The following DNAJC11 variants were observed in gnomAD, a reference collection of about 807,000 sequenced individuals.
The protein encoded by DNAJC11 is dnaJ homolog subfamily C member 11.
In DNAJC11, 15 loss-of-function variants were observed where a neutral mutation model predicts 78.6. The observed-to-expected ratio is 0.19, with a 90% CI of 0.13 to 0.29. The LOEUF (loss-of-function observed/expected upper bound fraction) is 0.29, where lower values mean the gene tolerates loss of function less well. Ranked by LOEUF, DNAJC11 falls within the 10% of genes least tolerant of loss-of-function variation. The pLI, the probability that DNAJC11 is intolerant of heterozygous loss-of-function variation, is 1.00. For missense variants in DNAJC11, 547 were observed against 709.6 expected (o/e 0.77, Z 2.60); for synonymous variants, 292 against 272.1 (o/e 1.07, Z -0.72).
intron 1 of DNAJC11, among the ~76,000 whole-genome samples, chr1:6,700,711 G>T (rs115051969): frequency 5.3e-5 from 8 of 152,178 alleles, no homozygotes; most frequent in African/African-American, 9.7e-5. Context: ...AGATAAGTTT[G>T]TATTATTAAC....
intron 4 of DNAJC11, among the ~76,000 whole-genome samples, chr1:6,663,037 T>C (rs915157563): frequency 4.6e-5 from 7 of 152,098 alleles, no homozygotes; most frequent in Admixed American, 3.9e-4. Flanking sequence ...GGATTACAGG[T>C]GTGAGCCCCC....
chr1:6,642,661 G>A (rs997904939), intron 10 of DNAJC11, among the ~76,000 whole-genome samples: 1 of 152,174 alleles, frequency 6.6e-6, no homozygotes, highest in Admixed American at 6.5e-5. Flanking sequence ...GCAACCAAGT[G>A]AGACCCTGTC....
In DNAJC11 at chr1:6,665,551, T is replaced by C. The variant is rs564350744; in HGVS notation, c.378+2158A>G. On this transcript the variant is annotated intron_variant, in intron 4 of 15. Transcript: ENST00000377577. Reference sequence around the variant, plus strand: ...ATATTTCTGATTAGAAAATGTTTTATGTATTTGGAAGCAGTTTTATGGAAG... The same window carrying C: ...ATATTTCTGATTAGAAAATGTTTTACGTATTTGGAAGCAGTTTTATGGAAG... Among the ~76,000 whole-genome samples, 10 of 152,356 alleles carry C rather than the reference T, an allele frequency of 6.6e-5. 1 individual carries two copies. The South Asian group carries it at 1.9e-3, about 28-fold the overall frequency.
At chr1:6,637,142 G>A (rs539620399) in intron 14 of DNAJC11, 56 bp downstream of exon 14, 25 of 1,606,528 alleles carry the variant, frequency 1.6e-5, no homozygotes, top group African/African-American at 1.2e-4. Context: ...GAGTCACCGC[G>A]CCCAGCCTGT....
rs181750504 is a variant in DNAJC11 at position 6,657,887 on chromosome 1, T to C, written c.379-3848A>G. Among the ~76,000 whole-genome samples the C allele has an allele frequency of 2.7e-3, 404 of 152,338 alleles. 2 individuals carry two copies. The highest frequency in any genetic ancestry group is 8.8e-3 in the African/African-American group (367 of 41,582). ...GTCTCGATCTCCTGACCTCGTGATC[T>C]GCCCACCTTGGCCTCCCAAAGTGCT... On this transcript the variant is annotated intron_variant, in intron 4 of 15. Transcript: ENST00000377577.
At position 6,653,764 on chromosome 1, in the gene DNAJC11, C is replaced by G; in HGVS notation, c.507+147G>C. On this transcript the variant is annotated intron_variant, in intron 5 of 15. Coordinates refer to ENST00000377577, the MANE Select transcript of DNAJC11 (RefSeq NM_018198.4). This position sits in a 1 kb window ranked among gnomAD's most constrained non-coding sequence, Gnocchi z 4.5. ...CGGTAACACACGGCTGGGAATGAAG[C>G]GCTTTCTTTTTTAAGTGGCTAATTG... The G allele has an allele frequency of 9.2e-7, 1 of 1,092,004 alleles. No homozygotes were observed. The highest frequency in any genetic ancestry group is 1.3e-6 in the Non-Finnish European group (1 of 771,554). The allele number at this position is 1,092,004 out of a possible 1,614,324, so 67.6% of individuals were successfully genotyped here.
At chr1:6,666,489 C>G (rs1002027160) in intron 4 of DNAJC11, among the ~76,000 whole-genome samples, 1 of 150,496 alleles carries the variant, frequency 6.6e-6, no homozygotes, top group Non-Finnish European at 1.5e-5. Flanking sequence ...CTGGTTCAAG[C>G]TATTCTCCTG....
intron 10 of DNAJC11, among the ~76,000 whole-genome samples, chr1:6,644,203 C>T (rs1217853843): frequency 6.6e-6 from 1 of 151,750 alleles, no homozygotes; most frequent in Non-Finnish European, 1.5e-5. Context: ...ATCTCCATCT[C>T]AGCTCACTGC....
chr1:6,653,351 G>A lies in DNAJC11; in HGVS notation c.508-400C>T, dbSNP rs1428900032. On this transcript the variant is annotated intron_variant, in intron 5 of 15. Coordinates refer to ENST00000377577, the MANE Select transcript of DNAJC11 (RefSeq NM_018198.4). The surrounding 1 kb of genome is among the most constrained non-coding windows in gnomAD (Gnocchi z 4.5). Reference sequence around the variant, plus strand: ...AACTGACTCAGGGAGCTCCAAGAGGGGGCAAATTTCCCCAAGTTAGGACTC... The same window carrying A: ...AACTGACTCAGGGAGCTCCAAGAGGAGGCAAATTTCCCCAAGTTAGGACTC... Among the ~76,000 whole-genome samples the A allele has an allele frequency of 6.6e-6, 1 of 152,078 alleles. No individual in the cohort carries two copies. Among genetic ancestry groups the A allele is most frequent in the Non-Finnish European group, 1.5e-5 (1 of 68,036 alleles).
At chr1:6,673,936 A>C (rs780753739) in intron 3 of DNAJC11, among the ~76,000 whole-genome samples, 2 of 152,224 alleles carry the variant, frequency 1.3e-5, no homozygotes, top group Non-Finnish European at 1.5e-5. Context: ...TGCAGACAAA[A>C]ACCAAACTGC....
chr1:6,677,166 A>AC (rs1642477341), intron 3 of DNAJC11, among the ~76,000 whole-genome samples: 1 of 151,340 alleles, frequency 6.6e-6, no homozygotes, highest in Non-Finnish European at 1.5e-5. Flanking sequence ...CTCAAAAAAA[A>AC]AAAAAAAACA....
chr1:6,691,908 T>G (rs1642752034), intron 1 of DNAJC11, among the ~76,000 whole-genome samples: 1 of 152,258 alleles, frequency 6.6e-6, no homozygotes, highest in South Asian at 2.1e-4. Flanking sequence ...TTAAAAAATA[T>G]ATGCTATTTT....
At chr1:6,691,768 C>G (rs1270649358) in intron 1 of DNAJC11, among the ~76,000 whole-genome samples, 1 of 152,198 alleles carries the variant, frequency 6.6e-6, no homozygotes. Context: ...ATTTTCATCT[C>G]GAAGGAGGTT....
chr1:6,701,795 C>T lies in DNAJC11; in HGVS notation c.6G>A (p.Ala2=), dbSNP rs768904539. The T allele has an allele frequency of 6.4e-7, 1 of 1,560,080 alleles. No homozygotes were observed. The highest frequency in any genetic ancestry group is 2.6e-5 in the East Asian group (1 of 38,912). ...CCAGCTCCTCCTCGCTCAAGGCCGT[C>T]GCCATCTTCGCAACCTTTCACCCCG... M[A]TALSEEELDN... Residue 2 remains alanine, a synonymous_variant, in exon 1 of 16, where the codon GCG becomes GCA. Coordinates refer to ENST00000377577, the MANE Select transcript of DNAJC11 (RefSeq NM_018198.4).
At chr1:6,651,258 C>A in intron 7 of DNAJC11, 1 of 641,588 alleles carries the variant, frequency 1.6e-6, no homozygotes, top group Non-Finnish European at 3.0e-6. Flanking sequence ...ACTCTTTCTC[C>A]GTGGCCTTGT....
rs777159794 is a variant in DNAJC11, at chr1:6,638,355, C to T, written c.1263G>A (p.Glu421=). 104 of 1,613,422 alleles carry T rather than the reference C, an allele frequency of 6.4e-5. No individual in the cohort carries two copies. Among genetic ancestry groups the T allele is most frequent in the Non-Finnish European group, 8.6e-5 (101 of 1,179,732 alleles). The change falls in exon 12 of 16, where the codon GAG becomes GAA. Residue 421 remains glutamate, a synonymous_variant. Coordinates refer to ENST00000377577, the MANE Select transcript of DNAJC11 (RefSeq NM_018198.4). ...CGGTGGCGGCGCTTTCCCTCTGCTT[C>T]TCCAATTCCCTTACGCGAGAGGAAC... is the stretch of plus-strand genomic sequence containing the variant. ...YLRAQKEKEL[E]KQRESAATDV...
chr1:6,659,938 T>C (rs1171227928), intron 4 of DNAJC11, among the ~76,000 whole-genome samples: 1 of 150,132 alleles, frequency 6.7e-6, no homozygotes, highest in Non-Finnish European at 1.5e-5. Flanking sequence ...CGCCTGGAGT[T>C]CCAGCTACTC....
intron 3 of DNAJC11, among the ~76,000 whole-genome samples, chr1:6,678,133 G>C (rs997364271): frequency 1.3e-5 from 2 of 152,118 alleles, no homozygotes; most frequent in African/African-American, 4.8e-5. Context: ...TTACTGGTTC[G>C]GTCCATCCCT....
At chr1:6,651,448 C>T (rs1464144660) in intron 7 of DNAJC11, 81 bp downstream of exon 7, 44 of 1,256,130 alleles carry the variant, frequency 3.5e-5, no homozygotes, top group African/African-American at 8.9e-5. Flanking sequence ...GTGCCAACCA[C>T]TGTGATAAAA....
Sources: gnomAD v4.1 joint callset for allele counts (sites outside exome capture counted in the v4.1 genomes callset) on GRCh38, gnomAD v4.1.1 for gene constraint, Gnocchi (gnomAD v3.1) non-coding constraint, MANE v1.5 for transcripts, NCBI Gene and HGNC (gene_info 2026-07-23, HGNC 2026-07-21) for gene names.